Variants in EPB41L3 observed in about 807,000 individuals in gnomAD.
EPB41L3 encodes the protein band 4.1-like protein 3.
A neutral mutation model predicts 127.1 loss-of-function variants in EPB41L3; 57 were observed. The observed-to-expected ratio is 0.45, with a 90% CI of 0.36 to 0.56. The LOEUF is 0.56. Among genes scored for constraint, EPB41L3 ranks in the 20% least tolerant of loss-of-function variants. The pLI is 0.00. For missense variants in EPB41L3, 1,273 were observed against 1,372.2 expected (o/e 0.93, Z 1.14); for synonymous variants, 572 against 549.5 (o/e 1.04, Z -0.57).
At chr18:5,581,334 T>TGGG (rs2094391432) in intron 3 of EPB41L3, among the ~76,000 whole-genome samples, 1 of 152,208 alleles carries the variant, frequency 6.6e-6, no homozygotes, top group Non-Finnish European at 1.5e-5. Flanking sequence ...TTTACCCTTA[T>TGGG]AGTGTCTAAT....
At chr18:5,402,235 GAT>G (rs1296039299) in intron 16 of EPB41L3, among the ~76,000 whole-genome samples, 5 of 148,936 alleles carry the variant, frequency 3.4e-5, no homozygotes, top group African/African-American at 7.3e-5. Context: ...TATTGGAAAA[GAT>G]AAAATGTACC....
chr18:5,619,676 A>G (rs945072488), intron 1 of EPB41L3, among the ~76,000 whole-genome samples: 2 of 152,200 alleles, frequency 1.3e-5, no homozygotes, highest in African/African-American at 4.8e-5. Context: ...CTTATGCCAA[A>G]TGGAGGTCAA....
Position 5,478,427 on chromosome 18 carries a change from C to T in EPB41L3, c.195G>A (p.Lys65=). 2 of 1,614,120 alleles carry T rather than the reference C, an allele frequency of 1.2e-6. No homozygotes were observed. The stretch of plus-strand genomic sequence containing the variant: ...CAGCCCTGGCAGCAAACTCCTGTTC[C>T]TTGTCAGTGACCTGTGAAGAGCAAA... ...STPVRREVTD[K]EQEFAARAAK... Residue 65 remains lysine, a synonymous_variant, in exon 3 of 23, where the codon AAG becomes AAA. Coordinates refer to ENST00000341928, the MANE Select transcript of EPB41L3 (RefSeq NM_012307.5).
Position 5,397,861 on chromosome 18 carries a change from CA to C in EPB41L3, c.2472+159del, listed in dbSNP as rs2073838183. ...TTGAGATGCAACTAAAGGCATGTGACAGATATGCCAAGCAGACACAAAGGAC... is the reference window on the plus strand; with the variant it reads ...TTGAGATGCAACTAAAGGCATGTGACGATATGCCAAGCAGACACAAAGGAC... On this transcript the variant is annotated intron_variant, in intron 17 of 22. Coordinates refer to ENST00000341928, the MANE Select transcript of EPB41L3 (RefSeq NM_012307.5). This position sits in a 1 kb window ranked among gnomAD's most constrained non-coding sequence, Gnocchi z 4.1. Among the ~76,000 whole-genome samples the C allele has an allele frequency of 6.6e-6, 1 of 152,068 alleles. No homozygotes were observed. The highest frequency in any genetic ancestry group is 2.4e-5 in the African/African-American group (1 of 41,364).
At chr18:5,578,518 T>C (rs1415037578) in intron 3 of EPB41L3, among the ~76,000 whole-genome samples, 2 of 152,180 alleles carry the variant, frequency 1.3e-5, no homozygotes, top group Non-Finnish European at 2.9e-5. Flanking sequence ...TGAAAATGGA[T>C]GAAACCAAGA....
chr18:5,406,813 C>T lies in EPB41L3; in HGVS notation c.2313G>A (p.Glu771=), dbSNP rs755732435. 2.2e-5 allele frequency: 36 copies of T among 1,614,074 alleles called. No homozygotes were observed. The highest frequency in any genetic ancestry group is 1.6e-4 in the Middle Eastern group (1 of 6,078). ...CAAGTGGTTCGATCATGGGGGCATC[C>T]TCCTGCCTGGCGGCCAGTCGCACGG... ...TSPVRLAARQ[E]DAPMIEPLVP... The change falls in exon 16 of 23, where the codon GAG becomes GAA. Residue 771 remains glutamate, a synonymous_variant. Coordinates refer to ENST00000341928, the MANE Select transcript of EPB41L3 (RefSeq NM_012307.5).
Position 5,487,349 on chromosome 18 carries a change from G to A in EPB41L3, c.183+1652C>T, listed in dbSNP as rs545638713. 2.6e-5 allele frequency among the ~76,000 whole-genome samples: 4 copies of A among 151,366 alleles called. No individual in the cohort carries two copies. In the South Asian group the frequency reaches 8.3e-4, roughly 32 times the overall value. On this transcript the variant is annotated intron_variant, in intron 2 of 22. Coordinates refer to ENST00000341928, the MANE Select transcript of EPB41L3 (RefSeq NM_012307.5). ...AGGATAGGGAGGATGGTAGGGAGGAGGAGTGATGAAGGGAATTTTTAAAAA... is the reference window on the plus strand; with the variant it reads ...AGGATAGGGAGGATGGTAGGGAGGAAGAGTGATGAAGGGAATTTTTAAAAA...
chr18:5,434,653 CA>C (rs1302553327), intron 6 of EPB41L3, among the ~76,000 whole-genome samples: 1 of 152,188 alleles, frequency 6.6e-6, no homozygotes, highest in Non-Finnish European at 1.5e-5. Context: ...CATAGCCTAA[CA>C]CATTACTCAC....
Position 5,397,298 on chromosome 18 carries a change from A to C in EPB41L3, c.2601T>G (p.Ser867Arg). The C allele has an allele frequency of 1.2e-6, 2 of 1,613,700 alleles. No homozygotes were observed. Among genetic ancestry groups the C allele is most frequent in the Non-Finnish European group, 1.7e-6 (2 of 1,179,984 alleles). ...CTCCCGCCGAGTAAGAAGCATCCCC[A>C]CTCGCGTGCACCACACGCCGCTCCT... ...LVEERRVVHA[S>R]GDASYSAGDS... Residue 867 changes from serine to arginine, a missense_variant, in exon 18 of 23, where the codon AGT becomes AGG. Physicochemically the swap from Ser to Arg is moderately radical, Grantham distance 110. Coordinates refer to ENST00000341928, the MANE Select transcript of EPB41L3 (RefSeq NM_012307.5). The surrounding 1 kb of genome is among the most constrained non-coding windows in gnomAD (Gnocchi z 4.1).
rs372949156 is a variant in EPB41L3 at position 5,554,434 on chromosome 18, G to C, written c.-306+57906C>G. On this transcript the variant is annotated intron_variant, in intron 3 of 21. Transcript: ENST00000545076. The stretch of plus-strand genomic sequence containing the variant: ...TGAAGAATTAGCTTGCCCAGGATTG[G>C]GATTAGACACAGGAAGGAGATTTGG... 3.5e-4 allele frequency among the ~76,000 whole-genome samples: 54 copies of C among 152,286 alleles called. 1 individual carries two copies. In the South Asian group the frequency reaches 0.011, roughly 30 times the overall value.
intron 16 of EPB41L3, chr18:5,400,732 A>G (rs2074370485): frequency 1.8e-6 from 1 of 550,350 alleles, no homozygotes; most frequent in Non-Finnish European, 3.3e-6. Flanking sequence ...GTCAATGACA[A>G]CATACAGAGA....
At chr18:5,426,421 C>T (rs2078193817) in intron 9 of EPB41L3, among the ~76,000 whole-genome samples, 1 of 152,204 alleles carries the variant, frequency 6.6e-6, no homozygotes, top group African/African-American at 2.4e-5. Context: ...CGACCTGCTG[C>T]TTCTGCCTCT....
intron 16 of EPB41L3, chr18:5,400,648 C>A (rs541292763): frequency 2.5e-4 from 121 of 481,392 alleles, no homozygotes; most frequent in African/African-American, 2.0e-3. Context: ...TCAACTTCAT[C>A]TAAATTAGCA....
chr18:5,586,887 G>A (rs528462270), intron 3 of EPB41L3, among the ~76,000 whole-genome samples: 8 of 152,078 alleles, frequency 5.3e-5, no homozygotes, highest in Non-Finnish European at 1.0e-4. Context: ...AGCCCTAAGG[G>A]TCCCAGGTAA....
chr18:5,406,508 T>C (rs1230285455), intron 16 of EPB41L3, among the ~76,000 whole-genome samples: 1 of 151,950 alleles, frequency 6.6e-6, no homozygotes, highest in Non-Finnish European at 1.5e-5. Flanking sequence ...TAAATCTAGG[T>C]TTATGGTCAG....
intron 3 of EPB41L3, among the ~76,000 whole-genome samples, chr18:5,450,208 C>A (rs2082100558): frequency 6.6e-6 from 1 of 151,876 alleles, no homozygotes; most frequent in African/African-American, 2.4e-5. Context: ...AGGCGGCTAA[C>A]AGGGGATGTG....
intron 1 of EPB41L3, among the ~76,000 whole-genome samples, chr18:5,495,542 G>C (rs2091082598): frequency 6.6e-6 from 1 of 152,016 alleles, no homozygotes; most frequent in South Asian, 2.1e-4. Context: ...GCCCAGAGAG[G>C]GGGCTTTAAC....
chr18:5,395,517 C>T, intron 20 of EPB41L3, 92 bp downstream of exon 20: 1 of 1,226,376 alleles, frequency 8.2e-7, no homozygotes, highest in Non-Finnish European at 1.2e-6. Flanking sequence ...CCACCTTGTG[C>T]TTGTGCAGCC....
Position 5,439,462 on chromosome 18 carries a change from T to C in EPB41L3, c.530-1352A>G, listed in dbSNP as rs561667871. Reference sequence around the variant, plus strand: ...GAGGCAATACTTAGCTTCATCAGTTTCTTACATTCTGTCATAAATGGCATA... The same window carrying C: ...GAGGCAATACTTAGCTTCATCAGTTCCTTACATTCTGTCATAAATGGCATA... On this transcript the variant is annotated intron_variant, in intron 5 of 22. Coordinates refer to ENST00000341928, the MANE Select transcript of EPB41L3 (RefSeq NM_012307.5). Among the ~76,000 whole-genome samples, 9 of 152,330 alleles carry C rather than the reference T, an allele frequency of 5.9e-5. No individual in the cohort carries two copies. In the South Asian group the frequency reaches 1.7e-3, roughly 28 times the overall value.
Sources: allele counts gnomAD v4.1 joint callset (sites outside exome capture counted in the v4.1 genomes callset), GRCh38; gene constraint gnomAD v4.1.1; non-coding constraint Gnocchi (gnomAD v3.1); transcripts MANE v1.5; gene names NCBI Gene and HGNC (gene_info 2026-07-23, HGNC 2026-07-21).